Variants in TBC1D10C observed in about 807,000 individuals in gnomAD.
TBC1D10C encodes carabin.
In TBC1D10C, 49 loss-of-function variants were observed where a neutral mutation model predicts 51.0. That is an observed-to-expected ratio of 0.96 (90% CI 0.76 to 1.22). TBC1D10C has a LOEUF of 1.22. Among genes scored for constraint, TBC1D10C ranks in the 50% most tolerant of loss-of-function variants. The pLI, the probability that TBC1D10C is intolerant of heterozygous loss-of-function variation, is 0.00. For missense variants in TBC1D10C, 541 were observed against 617.5 expected, an observed-to-expected ratio of 0.88 and a Z score of 1.31; for synonymous variants, 281 against 266.7, an observed-to-expected ratio of 1.05 and a Z score of -0.52.
At position 67,410,079 on chromosome 11, in the gene TBC1D10C, T is replaced by G; in HGVS notation, c.*325T>G. ...CCAGAGGGCACCAGGAATAAAATCT[T>G]CTTGAACAGATGCCTTGGATGGCGC... On this transcript the variant is annotated 3_prime_UTR_variant, in exon 9 of 9. Coordinates refer to ENST00000542590, the MANE Select transcript of TBC1D10C (RefSeq NM_001369496.1). 1 of 279,670 alleles carries G rather than the reference T, an allele frequency of 3.6e-6. No homozygotes were observed. The highest frequency in any genetic ancestry group is 5.3e-5 in the South Asian group (1 of 18,952). The allele number at this position is 279,670 out of a possible 1,614,324, so 17.3% of individuals were successfully genotyped here.
rs1182835685 is a variant in TBC1D10C, at chr11:67,409,863, C to G, written c.*109C>G. 1.0e-6 allele frequency: 1 copy of G among 985,236 alleles called. No homozygotes were observed. The allele number at this position is 985,236 out of a possible 1,614,324, so 61.0% of individuals were successfully genotyped here. A position where few individuals can be genotyped will look rare whatever the true frequency, so the allele number is the denominator to read the frequency against. ...TGGGACTCGGGGACTTGGCTTCCTT[C>G]CTGGCAAGGACCAGGCAGTGGGGAA... On this transcript the variant is annotated 3_prime_UTR_variant, in exon 9 of 9. Transcript: ENST00000542590.
At chr11:67,405,059 T>C in intron 1 of TBC1D10C, 26 bp from the exon 2 acceptor site, 3 of 1,543,356 alleles carry the variant, frequency 1.9e-6, no homozygotes, top group Non-Finnish European at 1.8e-6. Flanking sequence ...GCCCAGCGTC[T>C]GGATACCTGT....
At chr11:67,409,222 G>T (rs1180249317) in intron 8 of TBC1D10C, 89 bp downstream of exon 8, 1 of 1,455,592 alleles carries the variant, frequency 6.9e-7, no homozygotes, top group Non-Finnish European at 9.1e-7. Context: ...AGCGAGAATG[G>T]GGACTTAGTT....
chr11:67,406,219 C>G, intron 5 of TBC1D10C: 1 of 540,538 alleles, frequency 1.9e-6, no homozygotes, highest in South Asian at 2.8e-5. Flanking sequence ...TGACCCCAGC[C>G]TTGACCCCAG....
Position 67,404,116 on chromosome 11 carries a change from C to T in TBC1D10C, c.-87C>T, listed in dbSNP as rs1245106082. 7.2e-7 allele frequency: 1 copy of T among 1,383,680 alleles called. No individual in the cohort carries two copies. The highest frequency in any genetic ancestry group is 9.4e-7 in the Non-Finnish European group (1 of 1,066,432). 85.7% of individuals were successfully genotyped at this position (1,383,680 alleles called of 1,614,324 possible). ...CTGAAACCTCCCCCCTCTGACCCCG[C>T]AGCCAGGCCCCAGGCTGGCCGGGAG... is the stretch of plus-strand genomic sequence containing the variant. On this transcript the variant is annotated 5_prime_UTR_variant, in exon 1 of 9. Transcript: ENST00000542590.
Position 67,409,706 on chromosome 11 carries a change from C to T in TBC1D10C, c.1293C>T (p.Pro431=), listed in dbSNP as rs771037865. ...CCCGGGGCCCCCCCATCGAGGGGCC[C>T]CCCAGGCCCCAACGAGGCTCCACCT... is the stretch of plus-strand genomic sequence containing the variant. The part of the protein sequence containing the change: ...TRARGPPIEG[P]PRPQRGSTSF... Residue 431 remains proline, a synonymous_variant, in exon 9 of 9, where the codon CCC becomes CCT. Transcript: ENST00000542590. The T allele has an allele frequency of 7.5e-6, 12 of 1,593,078 alleles. No individual in the cohort carries two copies. The South Asian group carries it at 1.0e-4, about 13-fold the overall frequency.
chr11:67,405,844 C>T (rs1863138213), intron 4 of TBC1D10C, 59 bp from the exon 5 acceptor site: 1 of 1,548,788 alleles, frequency 6.5e-7, no homozygotes. Context: ...CAGAGGCCCC[C>T]AGAGGGTGGA....
chr11:67,407,158 A>C lies in TBC1D10C; in HGVS notation c.838+142A>C, dbSNP rs576988059. The stretch of plus-strand genomic sequence containing the variant: ...GTGATGGCCTGGTGCCTGGCGCTAC[A>C]TCACCCATCACCCATCACCCAGGCA... On this transcript the variant is annotated intron_variant, in intron 7 of 8. Coordinates refer to ENST00000542590, the MANE Select transcript of TBC1D10C (RefSeq NM_001369496.1). The C allele has an allele frequency of 2.1e-3, 1,930 of 923,988 alleles. 8 individuals are homozygous for C. Among genetic ancestry groups the C allele is most frequent in the Non-Finnish European group, 2.1e-3 (1,314 of 629,518 alleles). 57.2% of individuals were successfully genotyped at this position (923,988 alleles called of 1,614,324 possible). A position where few individuals can be genotyped will look rare whatever the true frequency, so the allele number is the denominator to read the frequency against.
chr11:67,405,053 A>G lies in TBC1D10C; in HGVS notation c.153-32A>G, dbSNP rs769734857. 3.6e-5 allele frequency: 55 copies of G among 1,538,674 alleles called. 2 individuals carry two copies. In the South Asian group the frequency reaches 6.2e-4, roughly 17 times the overall value. On this transcript the variant is annotated intron_variant, in intron 1 of 8. Coordinates refer to ENST00000542590, the MANE Select transcript of TBC1D10C (RefSeq NM_001369496.1). The stretch of plus-strand genomic sequence containing the variant: ...TGTGGGCCTTGGGTAACAGCTGCCC[A>G]GCGTCTGGATACCTGTGCCATGCAC...
chr11:67,405,205 A>C (rs1021915051), intron 2 of TBC1D10C, 21 bp downstream of exon 2: 48 of 1,549,722 alleles, frequency 3.1e-5, no homozygotes, highest in Non-Finnish European at 3.8e-5. Flanking sequence ...CAGGGGCCCC[A>C]CTTGGCTTCC....
In TBC1D10C at chr11:67,409,094, C is replaced by T. The variant is rs147560025; in HGVS notation, c.954C>T (p.Ile318=). The T allele has an allele frequency of 5.6e-6, 9 of 1,596,562 alleles. No homozygotes were observed. The highest frequency in any genetic ancestry group is 1.3e-5 in the African/African-American group (1 of 74,190). Residue 318 remains isoleucine, a synonymous_variant, in exon 8 of 9, where the codon ATC becomes ATT. Transcript: ENST00000542590. ...AGACACTGGGAGCCCTTCGAGCCAT[C>T]CCCCCCGCGCAGCTGCAGGAGGAGG... ...LLETLGALRA[I]PPAQLQEEAF... is the part of the protein sequence containing the mutation.
chr11:67,407,119 T>C (rs1590947249), intron 7 of TBC1D10C, 103 bp downstream of exon 7: 12 of 1,338,936 alleles, frequency 9.0e-6, no homozygotes, highest in Middle Eastern at 2.7e-4. Flanking sequence ...ATCACAGGAC[T>C]GGGTGTGCCG....
In TBC1D10C at chr11:67,408,969, CG is replaced by C. The variant is rs1565128840; in HGVS notation, c.839-8del. On this transcript the variant is annotated splice_polypyrimidine_tract_variant and intron_variant, in intron 7 of 8. Coordinates refer to ENST00000542590, the MANE Select transcript of TBC1D10C (RefSeq NM_001369496.1). ...GCCGGCCTCCCAGTGAATAAGCCCC[CG>C]GCCTGCAGGTGCCAGAGTACTGTTC... 2.6e-6 allele frequency: 4 copies of C among 1,538,088 alleles called. No homozygotes were observed. The East Asian group carries it at 1.0e-4, about 38-fold the overall frequency.
chr11:67,410,068 G>T lies in TBC1D10C; in HGVS notation c.*314G>T. 1 of 319,630 alleles carries T rather than the reference G, an allele frequency of 3.1e-6. No homozygotes were observed. The highest frequency in any genetic ancestry group is 5.8e-6 in the Non-Finnish European group (1 of 173,208). 19.8% of individuals were successfully genotyped at this position (319,630 alleles called of 1,614,324 possible). A position where few individuals can be genotyped will look rare whatever the true frequency, so the allele number is the denominator to read the frequency against. On this transcript the variant is annotated 3_prime_UTR_variant, in exon 9 of 9. Coordinates refer to ENST00000542590, the MANE Select transcript of TBC1D10C (RefSeq NM_001369496.1). ...GTCAAGGGACCCCAGAGGGCACCAG[G>T]AATAAAATCTTCTTGAACAGATGCC...
chr11:67,406,026 C>G lies in TBC1D10C; in HGVS notation c.582+9C>G. On this transcript the variant is annotated intron_variant, in intron 5 of 8. Coordinates refer to ENST00000542590, the MANE Select transcript of TBC1D10C (RefSeq NM_001369496.1). The stretch of plus-strand genomic sequence containing the variant: ...TGCACCTGCCCCCAGAGGTGAGTGA[C>G]CTTGACCCTGCTCTGGGAACCCTAG... 6.4e-7 allele frequency: 1 copy of G among 1,554,254 alleles called. No homozygotes were observed. The highest frequency in any genetic ancestry group is 8.7e-7 in the Non-Finnish European group (1 of 1,154,148).
In TBC1D10C at chr11:67,409,807, G is replaced by A. The variant is rs7122299; in HGVS notation, c.*53G>A. 1,438,797 of 1,449,808 alleles carry A rather than the reference G, an allele frequency of 0.99. 713,962 individuals are homozygous for A. Among genetic ancestry groups the A allele is most frequent in the East Asian group, 1 (43,630 of 43,630 alleles). The allele number at this position is 1,449,808 out of a possible 1,614,324, so 89.8% of individuals were successfully genotyped here. ...TCTCAATTGCCTGATGGCTGATGCC[G>A]GCCCGGCAAATAGGCACCGCACTTT... is the stretch of plus-strand genomic sequence containing the variant. On this transcript the variant is annotated 3_prime_UTR_variant, in exon 9 of 9. Transcript: ENST00000542590.
chr11:67,405,005 C>G, intron 1 of TBC1D10C, 80 bp from the exon 2 acceptor site: 1 of 1,357,424 alleles, frequency 7.4e-7, no homozygotes, highest in Non-Finnish European at 1.0e-6. Flanking sequence ...CTGGGTTCAC[C>G]TGGGTAGCCT....
rs1202450722 is a variant in TBC1D10C, at chr11:67,409,951, G to C, written c.*197G>C. 1.7e-6 allele frequency: 1 copy of C among 577,978 alleles called. No individual in the cohort carries two copies. Among genetic ancestry groups the C allele is most frequent in the South Asian group, 2.2e-5 (1 of 46,152 alleles). 35.8% of individuals were successfully genotyped at this position (577,978 alleles called of 1,614,324 possible). ...TAGCATGGAGGAGGGTCACAGAGTG[G>C]GGCACGTGAGGACCCATGGAACCGT... On this transcript the variant is annotated 3_prime_UTR_variant, in exon 9 of 9. Transcript: ENST00000542590.
intron 7 of TBC1D10C, 124 bp downstream of exon 7, chr11:67,407,140 C>A: frequency 8.7e-7 from 1 of 1,143,544 alleles, no homozygotes; most frequent in Non-Finnish European, 1.2e-6. Flanking sequence ...AAGGTGATGG[C>A]CTGGTGCCTG....
Sources: gnomAD v4.1 joint callset for allele counts on GRCh38, gnomAD v4.1.1 for gene constraint, MANE v1.5 for transcripts, NCBI Gene and HGNC (gene_info 2026-07-23, HGNC 2026-07-21) for gene names.